The following GPR176 variants were observed in gnomAD, a reference collection of about 807,000 sequenced individuals.
GPR176 encodes G-protein coupled receptor 176.
In GPR176, 26 loss-of-function variants were observed where a neutral mutation model predicts 35.4. The ratio of observed to expected loss-of-function variants is 0.74; its 90% confidence interval spans 0.54 to 1.02. GPR176 has a LOEUF of 1.02. GPR176 is among the 50% of genes least tolerant of loss of function. The pLI is 0.00. For missense variants in GPR176, 597 were observed against 665.3 expected (o/e 0.90, Z 1.13); for synonymous variants, 278 against 271.3 (o/e 1.02, Z -0.24).
At chr15:39,914,784 C>T (rs192221183) in intron 1 of GPR176, among the ~76,000 whole-genome samples, 2 of 152,298 alleles carry the variant, frequency 1.3e-5, no homozygotes, top group African/African-American at 4.8e-5. Context: ...ATAGTATTAA[C>T]ACATCTTCTA....
intron 1 of GPR176, among the ~76,000 whole-genome samples, chr15:39,844,707 C>T (rs2030294734): frequency 6.6e-6 from 1 of 152,042 alleles, no homozygotes; most frequent in African/African-American, 2.4e-5. Flanking sequence ...AGCACACGTT[C>T]TAACAAGGCC....
intron 1 of GPR176, among the ~76,000 whole-genome samples, chr15:39,904,932 A>C (rs747089609): frequency 6.6e-6 from 1 of 152,206 alleles, no homozygotes; most frequent in South Asian, 2.1e-4. Flanking sequence ...ACCATCAAGG[A>C]AACAGGCAAC....
chr15:39,878,135 T>TGTGTGTGTGTGTG (rs1555408567), intron 1 of GPR176, among the ~76,000 whole-genome samples: 80 of 148,796 alleles, frequency 5.4e-4, no homozygotes, highest in South Asian at 1.3e-3. Context: ...TGTGTGTGTG[T>TGTGTGTGTGTGTG]TGAGAACATT....
intron 1 of GPR176, among the ~76,000 whole-genome samples, chr15:39,841,143 T>C (rs1009655042): frequency 3.9e-5 from 6 of 152,138 alleles, no homozygotes; most frequent in East Asian, 1.9e-4. Context: ...TTAACACTTA[T>C]AACTAGATTG....
At chr15:39,868,582 T>C (rs1313296635) in intron 1 of GPR176, among the ~76,000 whole-genome samples, 4 of 152,238 alleles carry the variant, frequency 2.6e-5, no homozygotes, top group Non-Finnish European at 5.9e-5. Flanking sequence ...CAATGCTTTA[T>C]GCATACAGTC....
chr15:39,836,780 A>G (rs1901424124), intron 1 of GPR176, among the ~76,000 whole-genome samples: 2 of 152,308 alleles, frequency 1.3e-5, no homozygotes, highest in African/African-American at 2.4e-5. Flanking sequence ...TTAACCAACA[A>G]AATTAGTTCT....
chr15:39,835,674 G>A (rs1336665528), intron 1 of GPR176, among the ~76,000 whole-genome samples: 1 of 152,206 alleles, frequency 6.6e-6, no homozygotes, highest in Non-Finnish European at 1.5e-5. Flanking sequence ...AGAAAGGGCA[G>A]TGAGTATCAC....
chr15:39,842,726 G>A (rs937612492), intron 1 of GPR176, among the ~76,000 whole-genome samples: 4 of 151,992 alleles, frequency 2.6e-5, no homozygotes, highest in Non-Finnish European at 4.4e-5. Context: ...TTAGACTTCC[G>A]TGCCTCTAGA....
intron 1 of GPR176, among the ~76,000 whole-genome samples, chr15:39,881,264 A>G (rs1369762454): frequency 6.6e-6 from 1 of 152,234 alleles, no homozygotes; most frequent in Non-Finnish European, 1.5e-5. Context: ...ACTGAATCTT[A>G]GTCATCTTTA....
In GPR176 at chr15:39,800,417, G is replaced by C. The variant is rs1312373698; in HGVS notation, c.*715C>G. Reference sequence around the variant, plus strand: ...CCAGCCAACACTGACCCTGACTGGAGGGTGCAGGTGTATCTCTCTGAGGCG... The same window carrying C: ...CCAGCCAACACTGACCCTGACTGGACGGTGCAGGTGTATCTCTCTGAGGCG... On this transcript the variant is annotated 3_prime_UTR_variant, in exon 3 of 3. Transcript: ENST00000561100. 3 of 152,202 alleles carry C rather than the reference G, an allele frequency of 2.0e-5. No homozygotes were observed. Among genetic ancestry groups the C allele is most frequent in the Non-Finnish European group, 2.9e-5 (2 of 68,048 alleles). 9.4% of individuals were successfully genotyped at this position (152,202 alleles called of 1,614,324 possible).
Position 39,799,079 on chromosome 15 carries a change from C to G in GPR176, c.*2053G>C, listed in dbSNP as rs1165988149. 1.3e-5 allele frequency: 2 copies of G among 152,188 alleles called. No individual in the cohort carries two copies. The highest frequency in any genetic ancestry group is 1.3e-4 in the Admixed American group (2 of 15,278). 9.4% of individuals were successfully genotyped at this position (152,188 alleles called of 1,614,324 possible). A position where few individuals can be genotyped will look rare whatever the true frequency, so the allele number is the denominator to read the frequency against. The stretch of plus-strand genomic sequence containing the variant: ...TCAAAGAGTATAGAAATACACCTGG[C>G]AATGACCTGTTAGTAGTCAGCCATC... On this transcript the variant is annotated 3_prime_UTR_variant, in exon 3 of 3. Coordinates refer to ENST00000561100, the MANE Select transcript of GPR176 (RefSeq NM_007223.3).
chr15:39,904,747 A>G (rs2033374451), intron 1 of GPR176, among the ~76,000 whole-genome samples: 1 of 152,186 alleles, frequency 6.6e-6, no homozygotes, highest in African/African-American at 2.4e-5. Flanking sequence ...GGGGGCAAAG[A>G]ATGCATGTGT....
chr15:39,820,616 C>T (rs1456781465), intron 1 of GPR176, among the ~76,000 whole-genome samples: 1 of 152,148 alleles, frequency 6.6e-6, no homozygotes, highest in Non-Finnish European at 1.5e-5. Context: ...AGCAGAGTAT[C>T]TATGATTCCT....
intron 1 of GPR176, among the ~76,000 whole-genome samples, chr15:39,902,717 C>G (rs766421370): frequency 6.6e-6 from 1 of 152,154 alleles, no homozygotes; most frequent in Non-Finnish European, 1.5e-5. Context: ...TTATTCTTTC[C>G]TTCCCATTTA....
intron 1 of GPR176, among the ~76,000 whole-genome samples, chr15:39,895,151 G>A (rs540362073): frequency 1.3e-5 from 2 of 152,286 alleles, no homozygotes; most frequent in African/African-American, 4.8e-5. Context: ...GGAGGTTGCA[G>A]TGAGCCGAGA....
chr15:39,832,268 G>A (rs1319504529), intron 1 of GPR176, among the ~76,000 whole-genome samples: 2 of 152,112 alleles, frequency 1.3e-5, no homozygotes, highest in African/African-American at 4.8e-5. Context: ...GACTGCTGGT[G>A]GGAATGCAAA....
At chr15:39,913,381 C>T (rs1566971311) in intron 1 of GPR176, among the ~76,000 whole-genome samples, 1 of 151,948 alleles carries the variant, frequency 6.6e-6, no homozygotes, top group Non-Finnish European at 1.5e-5. Flanking sequence ...TCCATCTCTA[C>T]AAAAAGTACA....
chr15:39,861,316 C>G (rs980905451), intron 1 of GPR176, among the ~76,000 whole-genome samples: 1 of 152,096 alleles, frequency 6.6e-6, no homozygotes, highest in African/African-American at 2.4e-5. Context: ...CTTTGGGAGG[C>G]CGAGGCTGGC....
At chr15:39,855,518 G>T (rs1347800540) in intron 1 of GPR176, among the ~76,000 whole-genome samples, 4 of 152,166 alleles carry the variant, frequency 2.6e-5, no homozygotes, top group Non-Finnish European at 4.4e-5. Flanking sequence ...CTTCCTGTGG[G>T]AAGAGTGGAG....
Sources: allele counts gnomAD v4.1 joint callset (sites outside exome capture counted in the v4.1 genomes callset), GRCh38; gene constraint gnomAD v4.1.1; transcripts MANE v1.5; gene names NCBI Gene and HGNC (gene_info 2026-07-23, HGNC 2026-07-21).